The following PADI3 variants were observed in gnomAD, a reference collection of about 807,000 sequenced individuals.
The protein encoded by PADI3 is peptidyl arginine deiminase 3.
Under a neutral mutation model 71.5 loss-of-function variants are expected in PADI3, and 53 were observed. The ratio of observed to expected loss-of-function variants is 0.74; its 90% CI spans 0.59 to 0.93. The LOEUF (loss-of-function observed/expected upper bound fraction) is 0.93, where lower values mean the gene tolerates loss of function less well. PADI3 is among the 40% of genes least tolerant of loss of function. PADI3 has a pLI of 0.00. For synonymous variants in PADI3, 361 were observed against 347.5 expected (o/e 1.04, Z -0.43); for missense variants, 821 against 868.0 (o/e 0.95, Z 0.68).
intron 1 of PADI3, among the ~76,000 whole-genome samples, chr1:17,253,819 T>C (rs970081177): frequency 2.0e-5 from 3 of 152,184 alleles, no homozygotes; most frequent in Admixed American, 1.3e-4. Context: ...AGTTCTGTGG[T>C]CACTCACTAT....
chr1:17,254,734 T>TTTTTTTA (rs2073007615), intron 1 of PADI3, among the ~76,000 whole-genome samples: 2 of 147,358 alleles, frequency 1.4e-5, no homozygotes, highest in East Asian at 2.0e-4. Flanking sequence ...TTTTTTTTTT[T>TTTTTTTA]GAGATGGAGT....
chr1:17,271,090 T>C lies in PADI3; in HGVS notation c.959T>C (p.Val320Ala). The C allele has an allele frequency of 6.2e-7, 1 of 1,614,048 alleles. No individual in the cohort carries two copies. Among genetic ancestry groups the C allele is most frequent in the Non-Finnish European group, 8.5e-7 (1 of 1,180,000 alleles). The stretch of plus-strand genomic sequence containing the variant: ...AGTGTGAGGAACAACACGTGTTTTG[T>C]GGATGCGGTGGCAGAGCTGGCCAGG... ...VCRVRNNTCFVDAVAELARKA... is the reference protein window; with the variant it reads ...VCRVRNNTCFADAVAELARKA... Residue 320 changes from valine to alanine, a missense_variant, in exon 9 of 16, where the codon GTG becomes GCG. Coordinates refer to ENST00000375460, the MANE Select transcript of PADI3 (RefSeq NM_016233.2).
intron 2 of PADI3, among the ~76,000 whole-genome samples, chr1:17,261,654 T>A (rs1353234742): frequency 6.6e-6 from 1 of 152,230 alleles, no homozygotes; most frequent in African/African-American, 2.4e-5. Context: ...GGTAGAGACC[T>A]ATAGAGGTAG....
chr1:17,270,316 G>A lies in PADI3; in HGVS notation c.736G>A (p.Glu246Lys). The A allele has an allele frequency of 6.2e-7, 1 of 1,614,062 alleles. No individual in the cohort carries two copies. Among genetic ancestry groups the A allele is most frequent in the Non-Finnish European group, 8.5e-7 (1 of 1,180,028 alleles). Residue 246 changes from glutamate to lysine, a missense_variant, in exon 7 of 16, where the codon GAG becomes AAG. Glu to Lys is a moderately conservative substitution (Grantham distance 56). Transcript: ENST00000375460. ...SYEVPRLHGD[E>K]ERFFVEGLSF... ...TGAGGTACCCCGCTTGCATGGGGATGAGGAGCGCTTCTTCGTGGAAGGCCT... is the reference window on the plus strand; with the variant it reads ...TGAGGTACCCCGCTTGCATGGGGATAAGGAGCGCTTCTTCGTGGAAGGCCT...
Position 17,266,840 on chromosome 1 carries a change from AG to A in PADI3, c.526+6del. ...CAGCACGTGCACTGCCTGCAAGGTG[AG>A]GCCGGGGCAGCCTGAGTCCCTGGGT... On this transcript the variant is annotated splice_donor_5th_base_variant and intron_variant, in intron 5 of 15. Transcript: ENST00000375460. The A allele has an allele frequency of 1.9e-6, 3 of 1,607,450 alleles. No homozygotes were observed. Among genetic ancestry groups the A allele is most frequent in the Non-Finnish European group, 2.6e-6 (3 of 1,174,004 alleles).
At chr1:17,276,688 C>A (rs752114898) in intron 12 of PADI3, 25 bp downstream of exon 12, 1 of 1,613,972 alleles carries the variant, frequency 6.2e-7, no homozygotes, top group Non-Finnish European at 8.5e-7. Flanking sequence ...CATGACGTGT[C>A]TTTCCCTGGC....
Position 17,274,785 on chromosome 1 carries a change from G to T in PADI3, c.1306G>T (p.Gly436Trp). The T allele has an allele frequency of 6.2e-7, 1 of 1,613,034 alleles. No homozygotes were observed. Among genetic ancestry groups the T allele is most frequent in the Non-Finnish European group, 8.5e-7 (1 of 1,179,386 alleles). Residue 436 changes from glycine to tryptophan, a missense_variant and splice_region_variant, in exon 11 of 16, where the codon GGG becomes TGG. Physicochemically the swap from Gly to Trp is radical, Grantham distance 184. Transcript: ENST00000375460. ...GRILIGGNLPGSSGRRVTQVV... is the reference protein window; with the variant it reads ...GRILIGGNLPWSSGRRVTQVV... ...GATCCTCATTGGGGGCAACCTGCCT[G>T]GGTGAGAGAGAGACAGGGAATGGAG...
chr1:17,271,240 T>C (rs2100587225), intron 9 of PADI3, 62 bp downstream of exon 9: 7 of 1,388,542 alleles, frequency 5.0e-6, no homozygotes, highest in South Asian at 4.8e-5. Flanking sequence ...AGGCCTTCAT[T>C]TGGGGGCCAC....
chr1:17,276,799 C>T lies in PADI3; in HGVS notation c.1478C>T (p.Pro493Leu). The change falls in exon 13 of 16, where the codon CCT becomes CTT. Residue 493 changes from proline (P) to leucine (L), a missense_variant. Pro to Leu is a moderately conservative substitution (Grantham distance 98). Coordinates refer to ENST00000375460, the MANE Select transcript of PADI3 (RefSeq NM_016233.2). ...GGCTTCCGGATGCTCCTGGCCAGCC[C>T]TGGGGCCTGCTTCAAGCTCTTCCAG... ...GKGFRMLLAS[P>L]GACFKLFQEK... is the part of the protein sequence containing the mutation. The T allele has an allele frequency of 6.2e-7, 1 of 1,613,762 alleles. No homozygotes were observed. Among genetic ancestry groups the T allele is most frequent in the Non-Finnish European group, 8.5e-7 (1 of 1,179,836 alleles).
chr1:17,252,051 C>A (rs1158763082), intron 1 of PADI3, among the ~76,000 whole-genome samples: 1 of 152,172 alleles, frequency 6.6e-6, no homozygotes, highest in African/African-American at 2.4e-5. Flanking sequence ...TATCTTCTTG[C>A]CTTTCCATGA....
At chr1:17,273,613 A>G (rs1056033172) in intron 10 of PADI3, among the ~76,000 whole-genome samples, 166 bp downstream of exon 10, 4 of 152,212 alleles carry the variant, frequency 2.6e-5, no homozygotes, top group African/African-American at 9.7e-5. Context: ...TGTGAATTTC[A>G]GACAAGCAAC....
intron 6 of PADI3, among the ~76,000 whole-genome samples, chr1:17,269,706 C>A (rs572758354): frequency 6.6e-5 from 10 of 152,184 alleles, no homozygotes; most frequent in Non-Finnish European, 1.0e-4. Flanking sequence ...CAACCTCCGC[C>A]TCCTGGGTTC....
chr1:17,276,138 C>A (rs1490180175), intron 11 of PADI3, among the ~76,000 whole-genome samples: 1 of 152,116 alleles, frequency 6.6e-6, no homozygotes, highest in African/African-American at 2.4e-5. Context: ...AGTTCGAGAC[C>A]AGCCTGGCCA....
chr1:17,280,038 C>T (rs947041538), intron 13 of PADI3, among the ~76,000 whole-genome samples: 2 of 152,234 alleles, frequency 1.3e-5, no homozygotes, highest in African/African-American at 2.4e-5. Flanking sequence ...AAGAGGATTC[C>T]TCATCCAGTG....
At position 17,274,742 on chromosome 1, in the gene PADI3, A is replaced by G. The variant is rs776439564; in HGVS notation, c.1263A>G (p.Lys421=). ...GCCCTCCAGTGGTGGCCAATGGGAA[A>G]GAGTACCCCCTGGGGAGGATCCTCA... ...EVSPPVVANG[K]EYPLGRILIG... is the part of the protein sequence containing the mutation. The change falls in exon 11 of 16, where the codon AAA becomes AAG. Residue 421 remains lysine, a synonymous_variant. Transcript: ENST00000375460. The G allele has an allele frequency of 3.7e-6, 6 of 1,614,012 alleles. No homozygotes were observed. The highest frequency in any genetic ancestry group is 2.2e-5 in the South Asian group (2 of 91,072).
intron 1 of PADI3, 70 bp from the exon 2 acceptor site, chr1:17,259,508 A>G (rs2073073258): frequency 7.0e-7 from 1 of 1,432,610 alleles, no homozygotes. Context: ...GCAGGGCTTG[A>G]GCCAAAGCTC....
chr1:17,261,788 A>T (rs901041913), intron 2 of PADI3, among the ~76,000 whole-genome samples: 19 of 152,254 alleles, frequency 1.2e-4, no homozygotes, highest in African/African-American at 4.6e-4. Flanking sequence ...AGTCCCACAG[A>T]CAAGAATGTT....
intron 3 of PADI3, among the ~76,000 whole-genome samples, chr1:17,263,236 C>G (rs563180095): frequency 6.6e-6 from 1 of 152,298 alleles, no homozygotes; most frequent in Admixed American, 6.5e-5. Flanking sequence ...TTTAATATAA[C>G]TTTACAGAGC....
chr1:17,261,453 T>C (rs886937222), intron 2 of PADI3, among the ~76,000 whole-genome samples: 1 of 152,180 alleles, frequency 6.6e-6, no homozygotes. Flanking sequence ...TAACTTTTCC[T>C]GGGATATTCA....
Sources: gnomAD v4.1 joint callset for allele counts (sites outside exome capture counted in the v4.1 genomes callset) on GRCh38, gnomAD v4.1.1 for gene constraint, MANE v1.5 for transcripts, NCBI Gene and HGNC (gene_info 2026-07-23, HGNC 2026-07-21) for gene names.